OR10A3: variants seen among roughly 807,000 people sequenced by gnomAD.
OR10A3 encodes the protein olfactory receptor family 10 subfamily A member 3, also known as olfactory receptor 10A3.
OR10A3 carries 1 observed loss-of-function variant against 1.5 expected under a neutral mutation model. The observed-to-expected ratio is 0.66, with a 90% CI of 0.23 to 3.11. The LOEUF (loss-of-function observed/expected upper bound fraction) is 3.11, where lower values mean the gene tolerates loss of function less well. OR10A3 is among the 30% of genes most tolerant of loss of function. The pLI is 0.21. For missense variants in OR10A3, 398 were observed against 369.7 expected (o/e 1.08, Z -0.63); for synonymous variants, 145 against 143.7 (o/e 1.01, Z -0.06).
In OR10A3 at chr11:7,939,454, G is replaced by T; in HGVS notation, c.67C>A (p.Leu23Ile). ...ILLGFSNFPE[L>I]QVQLFGVFLV... Reference sequence around the variant, plus strand: ...AAAACCCCAAAGAGCTGCACCTGGAGCTCAGGAAAGTTAGAAAAGCCCAGG... The same window carrying T: ...AAAACCCCAAAGAGCTGCACCTGGATCTCAGGAAAGTTAGAAAAGCCCAGG... Residue 23 changes from leucine (L) to isoleucine (I), a missense_variant, in exon 2 of 2, where the codon CTC (leucine) becomes ATC (isoleucine). Physicochemically the swap from Leu to Ile is conservative, Grantham distance 5. Transcript: ENST00000642047. 2.5e-6 allele frequency: 4 copies of T among 1,598,296 alleles called. No individual in the cohort carries two copies. The highest frequency in any genetic ancestry group is 3.4e-6 in the Non-Finnish European group (4 of 1,176,148).
chr11:7,938,471 A>C lies in OR10A3; in HGVS notation c.*105T>G. On this transcript the variant is annotated 3_prime_UTR_variant, in exon 2 of 2. Transcript: ENST00000642047. Reference sequence around the variant, plus strand: ...CGTTTTCCAATAAAAAAACTCAACAAACTTACATAGTCATACAAAAAATGC... The same window carrying C: ...CGTTTTCCAATAAAAAAACTCAACACACTTACATAGTCATACAAAAAATGC... 2.3e-6 allele frequency: 2 copies of C among 878,140 alleles called. No individual in the cohort carries two copies. Among genetic ancestry groups the C allele is most frequent in the Non-Finnish European group, 3.4e-6 (2 of 582,792 alleles). The allele number at this position is 878,140 out of a possible 1,614,324, so 54.4% of individuals were successfully genotyped here.
rs1453297582 is a variant in OR10A3, at chr11:7,939,024, A to G, written c.497T>C (p.Phe166Ser). The part of the protein sequence containing the change: ...ATVQTTWVFS[F>S]PFCGPNEINH... ...AATTTCATTGGGGCCACAAAATGGA[A>G]AACTAAATACCCAAGTGGTCTGCAC... The change falls in exon 2 of 2, where the codon TTT becomes TCT. Residue 166 changes from phenylalanine to serine, a missense_variant. Physicochemically the swap from Phe to Ser is radical, Grantham distance 155 (BLOSUM62 -2). Transcript: ENST00000642047. 12 of 1,614,050 alleles carry G rather than the reference A, an allele frequency of 7.4e-6. No homozygotes were observed. The highest frequency in any genetic ancestry group is 9.3e-6 in the Non-Finnish European group (11 of 1,180,028).
At position 7,938,998 on chromosome 11, in the gene OR10A3, TA is replaced by T; in HGVS notation, c.522del (p.Asn175IlefsTer11). The T allele has an allele frequency of 6.2e-7, 1 of 1,614,170 alleles. No homozygotes were observed. The highest frequency in any genetic ancestry group is 8.5e-7 in the Non-Finnish European group (1 of 1,180,040). On this transcript the variant is annotated frameshift_variant, in exon 2 of 2. Coordinates refer to ENST00000642047, the MANE Select transcript of OR10A3 (RefSeq NM_001003745.2). LOFTEE classifies it high-confidence loss of function. ...GGGGGAGTCTCACAGAAGAGATGAT[TA>T]ATTTCATTGGGGCCACAAAATGGAA... The part of the protein sequence containing the change: ...FSFPFCGPNE[I>X]NHLFCETPPV...
At position 7,938,353 on chromosome 11, in the gene OR10A3, A is replaced by C. The variant is rs901264971; in HGVS notation, c.*223T>G. ...TAATCCAGTAGCTACTTGGATGTTC[A>C]TAATAGAGAAATGGATGAATAAACT... On this transcript the variant is annotated 3_prime_UTR_variant, in exon 2 of 2. Coordinates refer to ENST00000642047, the MANE Select transcript of OR10A3 (RefSeq NM_001003745.2). 7 of 474,976 alleles carry C rather than the reference A, an allele frequency of 1.5e-5. No homozygotes were observed. The highest frequency in any genetic ancestry group is 1.1e-3 in the Middle Eastern group (2 of 1,844). The allele number at this position is 474,976 out of a possible 1,614,324, so 29.4% of individuals were successfully genotyped here.
rs550710590 is a variant in OR10A3, at chr11:7,941,643, A to C, written c.-235T>G. The C allele has an allele frequency of 6.6e-6, 1 of 152,354 alleles. No homozygotes were observed. Among genetic ancestry groups the C allele is most frequent in the South Asian group, 2.1e-4 (1 of 4,824 alleles). 9.4% of individuals were successfully genotyped at this position (152,354 alleles called of 1,614,324 possible). A position where few individuals can be genotyped will look rare whatever the true frequency, so the allele number is the denominator to read the frequency against. On this transcript the variant is annotated 5_prime_UTR_variant, in exon 1 of 2. Transcript: ENST00000642047. ...TCCAATTATCAGTGAGGATAACTAC[A>C]GAAGGCAAACCCACCAACAAGTACC...
Position 7,938,381 on chromosome 11 carries a change from TGTGTC to T in OR10A3, c.*190_*194del. The T allele has an allele frequency of 1.9e-6, 1 of 531,070 alleles. No homozygotes were observed. Among genetic ancestry groups the T allele is most frequent in the Non-Finnish European group, 3.3e-6 (1 of 304,414 alleles). 32.9% of individuals were successfully genotyped at this position (531,070 alleles called of 1,614,324 possible). On this transcript the variant is annotated 3_prime_UTR_variant, in exon 2 of 2. Coordinates refer to ENST00000642047, the MANE Select transcript of OR10A3 (RefSeq NM_001003745.2). ...ATAGAGAAATGGATGAATAAACTGTTGTGTCATGTTATGAGAACATATGTATCTAC... is the reference window on the plus strand; with the variant it reads ...ATAGAGAAATGGATGAATAAACTGTTATGTTATGAGAACATATGTATCTAC...
At position 7,938,862 on chromosome 11, in the gene OR10A3, C is replaced by T. The variant is rs751844601; in HGVS notation, c.659G>A (p.Arg220Gln). ...PFLLILLSYI[R>Q]VLFAILKMPS... The stretch of plus-strand genomic sequence containing the variant: ...CATCTTCAGGATGGCAAACAGAACT[C>T]GAATGTAAGACAAGAGGATCAACAA... Residue 220 changes from arginine to glutamine, a missense_variant, in exon 2 of 2, where the codon CGA becomes CAA. By Grantham distance (43) the Arg-to-Gln change is conservative (BLOSUM62 1). Transcript: ENST00000642047. 9 of 1,614,092 alleles carry T rather than the reference C, an allele frequency of 5.6e-6. No individual in the cohort carries two copies. The Middle Eastern group carries it at 4.9e-4, about 89-fold the overall frequency.
At position 7,938,308 on chromosome 11, in the gene OR10A3, A is replaced by T. The variant is rs1941384411; in HGVS notation, c.*268T>A. On this transcript the variant is annotated 3_prime_UTR_variant, in exon 2 of 2. Transcript: ENST00000642047. ...TGGAGCGAAACTCCATCTCAAAAAAAAAAAAAAAAAAAATGACAGTAATCC... is the reference window on the plus strand; with the variant it reads ...TGGAGCGAAACTCCATCTCAAAAAATAAAAAAAAAAAAATGACAGTAATCC... The T allele has an allele frequency of 3.3e-6, 1 of 305,504 alleles. No homozygotes were observed. The highest frequency in any genetic ancestry group is 6.0e-6 in the Non-Finnish European group (1 of 167,370). 18.9% of individuals were successfully genotyped at this position (305,504 alleles called of 1,614,324 possible).
chr11:7,938,519 A>C lies in OR10A3; in HGVS notation c.*57T>G. On this transcript the variant is annotated 3_prime_UTR_variant, in exon 2 of 2. Coordinates refer to ENST00000642047, the MANE Select transcript of OR10A3 (RefSeq NM_001003745.2). ...TGCAGTCTGTTTTCACCCTTTATTAAATTTAAATAGAGTTCACTCAGGCAG... is the reference window on the plus strand; with the variant it reads ...TGCAGTCTGTTTTCACCCTTTATTACATTTAAATAGAGTTCACTCAGGCAG... 3 of 1,326,446 alleles carry C rather than the reference A, an allele frequency of 2.3e-6. No homozygotes were observed. The highest frequency in any genetic ancestry group is 1.4e-5 in the South Asian group (1 of 69,846). 82.2% of individuals were successfully genotyped at this position (1,326,446 alleles called of 1,614,324 possible).
rs544269653 is a variant in OR10A3, at chr11:7,938,442, G to A, written c.*134C>T. The A allele has an allele frequency of 2.0e-5, 13 of 652,962 alleles. No individual in the cohort carries two copies. The highest frequency in any genetic ancestry group is 1.3e-4 in the African/African-American group (7 of 54,794). The allele number at this position is 652,962 out of a possible 1,614,324, so 40.4% of individuals were successfully genotyped here. On this transcript the variant is annotated 3_prime_UTR_variant, in exon 2 of 2. Transcript: ENST00000642047. ...ACAAGTGACAGCAGTTCTTTATTGA[G>A]ATACGTTTTCCAATAAAAAAACTCA...
rs1941386276 is a variant in OR10A3 at position 7,938,404 on chromosome 11, G to T, written c.*172C>A. The T allele has an allele frequency of 1.7e-6, 1 of 581,414 alleles. No individual in the cohort carries two copies. The highest frequency in any genetic ancestry group is 3.0e-6 in the Non-Finnish European group (1 of 330,942). 36.0% of individuals were successfully genotyped at this position (581,414 alleles called of 1,614,324 possible). On this transcript the variant is annotated 3_prime_UTR_variant, in exon 2 of 2. Coordinates refer to ENST00000642047, the MANE Select transcript of OR10A3 (RefSeq NM_001003745.2). ...GTTGTGTCATGTTATGAGAACATATGTATCTACTAAAAACAAGTGACAGCA... is the reference window on the plus strand; with the variant it reads ...GTTGTGTCATGTTATGAGAACATATTTATCTACTAAAAACAAGTGACAGCA...
In OR10A3 at chr11:7,939,288, G is replaced by T; in HGVS notation, c.233C>A (p.Thr78Lys). 6.2e-7 allele frequency: 1 copy of T among 1,613,990 alleles called. No individual in the cohort carries two copies. The highest frequency in any genetic ancestry group is 8.5e-7 in the Non-Finnish European group (1 of 1,179,932). ...AGAGAGCACCACCAGCATTTCAGGC[G>T]TAATGACTGCACTGAAACTCACCTC... ...VVEVSFSAVI[T>K]PEMLVVLSTE... The change falls in exon 2 of 2, where the codon ACG (threonine) becomes AAG (lysine). Residue 78 changes from threonine to lysine, a missense_variant. Thr to Lys is a moderately conservative substitution (Grantham distance 78). Coordinates refer to ENST00000642047, the MANE Select transcript of OR10A3 (RefSeq NM_001003745.2).
chr11:7,941,167 T>A (rs957782946), intron 1 of OR10A3, among the ~76,000 whole-genome samples: 1 of 152,120 alleles, frequency 6.6e-6, no homozygotes, highest in African/African-American at 2.4e-5. Context: ...TAAAACCAAA[T>A]ACGTTTGTAA....
chr11:7,941,078 C>T (rs1156261306), intron 1 of OR10A3, among the ~76,000 whole-genome samples: 1 of 151,800 alleles, frequency 6.6e-6, no homozygotes. Context: ...AAAAAATCTC[C>T]TAAAATAGAC....
rs1484082740 is a variant in OR10A3 at position 7,938,559 on chromosome 11, T to G, written c.*17A>C. On this transcript the variant is annotated 3_prime_UTR_variant, in exon 2 of 2. Coordinates refer to ENST00000642047, the MANE Select transcript of OR10A3 (RefSeq NM_001003745.2). ...CACTCAGGCAGTGGCCAAATCTTAC[T>G]CAGCTTCTCAACACAATCAGAATGT... 6.4e-7 allele frequency: 1 copy of G among 1,572,328 alleles called. No individual in the cohort carries two copies. The highest frequency in any genetic ancestry group is 8.6e-7 in the Non-Finnish European group (1 of 1,158,032).
chr11:7,940,387 G>A (rs1166044908), intron 1 of OR10A3, among the ~76,000 whole-genome samples: 1 of 151,868 alleles, frequency 6.6e-6, no homozygotes, highest in Non-Finnish European at 1.5e-5. Flanking sequence ...CACTGTCAGG[G>A]CCCACAAGTC....
Position 7,938,805 on chromosome 11 carries a change from G to C in OR10A3, c.716C>G (p.Ser239Cys), listed in dbSNP as rs781754051. ...AGATGTGAGGTGAGAGGCACAGGTG[G>C]AAAAGGCCTTTTGTCTCCCAGTAGT... ...PSTTGRQKAF[S>C]TCASHLTSVT... The change falls in exon 2 of 2, where the codon TCC (serine) becomes TGC (cysteine). Residue 239 changes from serine to cysteine, a missense_variant. By Grantham distance (112) the Ser-to-Cys change is moderately radical. Transcript: ENST00000642047. The C allele has an allele frequency of 1.2e-6, 2 of 1,614,166 alleles. No homozygotes were observed. The highest frequency in any genetic ancestry group is 1.1e-5 in the South Asian group (1 of 91,080).
In OR10A3 at chr11:7,939,628, T is replaced by A; in HGVS notation, c.-108A>T. On this transcript the variant is annotated 5_prime_UTR_variant, in exon 2 of 2. Coordinates refer to ENST00000642047, the MANE Select transcript of OR10A3 (RefSeq NM_001003745.2). The stretch of plus-strand genomic sequence containing the variant: ...CTGGAATTCTTGACAGCAGATGTAA[T>A]GACAAGCTCATTTTGACAGAACTTC... 1.2e-6 allele frequency: 1 copy of A among 803,476 alleles called. No homozygotes were observed. The highest frequency in any genetic ancestry group is 1.9e-6 in the Non-Finnish European group (1 of 532,426). The allele number at this position is 803,476 out of a possible 1,614,324, so 49.8% of individuals were successfully genotyped here. A position where few individuals can be genotyped will look rare whatever the true frequency, so the allele number is the denominator to read the frequency against.
In OR10A3 at chr11:7,940,122, G is replaced by C. The variant is rs546162731; in HGVS notation, c.-178-424C>G. On this transcript the variant is annotated intron_variant, in intron 1 of 1. Coordinates refer to ENST00000642047, the MANE Select transcript of OR10A3 (RefSeq NM_001003745.2). ...GACATAGGTGTTTCTCTAATTTGTT[G>C]ATAGAAAACTGCAGGCTGCAAGGCC... 2.0e-5 allele frequency among the ~76,000 whole-genome samples: 3 copies of C among 152,260 alleles called. No individual in the cohort carries two copies. The South Asian group carries it at 6.2e-4, about 32-fold the overall frequency.
Sources: gnomAD v4.1 joint callset for allele counts (sites outside exome capture counted in the v4.1 genomes callset) on GRCh38, gnomAD v4.1.1 for gene constraint, MANE v1.5 for transcripts, NCBI Gene and HGNC (gene_info 2026-07-23, HGNC 2026-07-21) for gene names.